The following EHMT1 variants were observed in gnomAD, a reference collection of about 807,000 sequenced individuals.
The protein encoded by EHMT1 is euchromatic histone lysine methyltransferase 1, also known as histone-lysine N-methyltransferase EHMT1.
In EHMT1, 15 loss-of-function variants were observed where a neutral mutation model predicts 147.2. The ratio of observed to expected loss-of-function variants is 0.10; its 90% CI spans 0.07 to 0.16. The LOEUF (loss-of-function observed/expected upper bound fraction) is 0.16. Ranked by LOEUF, EHMT1 falls within the 10% of genes least tolerant of loss-of-function variation. The pLI is 1.00. For synonymous variants in EHMT1, 795 were observed against 709.6 expected (o/e 1.12, Z -1.91); for missense variants, 1,587 against 1,772.4 (o/e 0.90, Z 1.88).
intron 24 of EHMT1, chr9:137,817,852 C>G (rs532973361): frequency 1.6e-6 from 1 of 637,556 alleles, no homozygotes; most frequent in Non-Finnish European, 2.8e-6. Flanking sequence ...AGACCGCAGA[C>G]GCAGAGCTTT....
intron 4 of EHMT1, among the ~76,000 whole-genome samples, chr9:137,730,325 G>A (rs1391450606): frequency 6.6e-6 from 1 of 152,176 alleles, no homozygotes; most frequent in Non-Finnish European, 1.5e-5. Flanking sequence ...AGTACTGCAC[G>A]GTGGGTGCCA....
At chr9:137,768,456 C>T (rs1448576520) in intron 10 of EHMT1, among the ~76,000 whole-genome samples, 3 of 142,188 alleles carry the variant, frequency 2.1e-5, no homozygotes, top group East Asian at 2.1e-4. Context: ...CAGGTTCAAG[C>T]GATTCTTTTG....
intron 2 of EHMT1, among the ~76,000 whole-genome samples, chr9:137,711,846 A>G (rs1336491600): frequency 6.6e-6 from 1 of 152,176 alleles, no homozygotes; most frequent in East Asian, 1.9e-4. Flanking sequence ...AGCAGCTCAG[A>G]CACTGGACTT....
At chr9:137,773,803 T>C (rs1164089483) in intron 10 of EHMT1, among the ~76,000 whole-genome samples, 1 of 152,212 alleles carries the variant, frequency 6.6e-6, no homozygotes, top group Non-Finnish European at 1.5e-5. Flanking sequence ...CTTTGTGTAA[T>C]TTCCTTTGGG....
chr9:137,832,315 C>T (rs1400880983), intron 25 of EHMT1, among the ~76,000 whole-genome samples: 11 of 147,700 alleles, frequency 7.4e-5, no homozygotes, highest in Admixed American at 6.7e-4. Flanking sequence ...CTAGAATTGG[C>T]TGGGCTCCCT....
intron 16 of EHMT1, among the ~76,000 whole-genome samples, chr9:137,794,602 G>T (rs545706017): frequency 1.7e-4 from 26 of 149,826 alleles, no homozygotes; most frequent in African/African-American, 5.9e-4. Context: ...AGCTGGATTA[G>T]CACCACTGCA....
intron 1 of EHMT1, among the ~76,000 whole-genome samples, chr9:137,621,526 T>G (rs1445007090): frequency 6.6e-6 from 1 of 152,120 alleles, no homozygotes; most frequent in African/African-American, 2.4e-5. Flanking sequence ...GTTGAAACCC[T>G]GTCTCTACTG....
In EHMT1 at chr9:137,716,631, C is replaced by A; in HGVS notation, c.91C>A (p.Pro31Thr). 1 of 1,565,026 alleles carries A rather than the reference C, an allele frequency of 6.4e-7. No individual in the cohort carries two copies. The highest frequency in any genetic ancestry group is 8.7e-7 in the Non-Finnish European group (1 of 1,153,696). Reference protein sequence around the residue: ...VKTELLGEETPMAADEGSAEK... With the variant: ...VKTELLGEETTMAADEGSAEK... Reference sequence around the variant, plus strand: ...ACTCGTTTCTTTGTTGGCAGAGACACCTATGGCTGCCGATGAAGGCTCAGC... The same window carrying A: ...ACTCGTTTCTTTGTTGGCAGAGACAACTATGGCTGCCGATGAAGGCTCAGC... Residue 31 changes from proline to threonine, a missense_variant, in exon 3 of 27, where the codon CCT (proline) becomes ACT (threonine). By Grantham distance (38) the Pro-to-Thr change is conservative. Transcript: ENST00000460843.
chr9:137,776,722 G>A lies in EHMT1; in HGVS notation c.1896G>A (p.Glu632=). ...NNASYCPHCG[E]ESSKAKEVTI... ...CCAGCTATTGTCCCCACTGTGGGGA[G>A]GAGAGCTCCAAGGCCAAAGAGGTGA... The change falls in exon 12 of 27, where the codon GAG becomes GAA. Residue 632 remains glutamate (E), a synonymous_variant. Transcript: ENST00000460843. The surrounding 1 kb of genome is among the most constrained non-coding windows in gnomAD (Gnocchi z 4.4). 1 of 1,614,066 alleles carries A rather than the reference G, an allele frequency of 6.2e-7. No individual in the cohort carries two copies. The highest frequency in any genetic ancestry group is 8.5e-7 in the Non-Finnish European group (1 of 1,180,016).
intron 1 of EHMT1, among the ~76,000 whole-genome samples, chr9:137,648,045 C>T (rs74897059): frequency 1.1e-3 from 168 of 152,282 alleles, no homozygotes; most frequent in African/African-American, 3.9e-3. Context: ...AGCTTTCTTT[C>T]CCCTTTCATA....
chr9:137,815,832 C>T lies in EHMT1; in HGVS notation c.3259-115C>T. On this transcript the variant is annotated intron_variant, in intron 22 of 26. Transcript: ENST00000460843. ...TGGGTGTTCAAGTTTGGCCAGAAACCATCGTTTTTATGTCCGTTTAAGCCA... is the reference window on the plus strand; with the variant it reads ...TGGGTGTTCAAGTTTGGCCAGAAACTATCGTTTTTATGTCCGTTTAAGCCA... 3.3e-6 allele frequency: 3 copies of T among 909,296 alleles called. No individual in the cohort carries two copies. In the South Asian group the frequency reaches 4.2e-5, roughly 13 times the overall value. The allele number at this position is 909,296 out of a possible 1,614,324, so 56.3% of individuals were successfully genotyped here. A position where few individuals can be genotyped will look rare whatever the true frequency, so the allele number is the denominator to read the frequency against.
At chr9:137,715,612 C>T in intron 2 of EHMT1, 1 of 985,438 alleles carries the variant, frequency 1.0e-6, no homozygotes, top group Non-Finnish European at 1.2e-6. Context: ...CGCAGGCTTC[C>T]TGCCTCAGCC....
At chr9:137,700,806 T>C (rs1943762712) in intron 1 of EHMT1, among the ~76,000 whole-genome samples, 1 of 152,208 alleles carries the variant, frequency 6.6e-6, no homozygotes, top group African/African-American at 2.4e-5. Flanking sequence ...AAATTGTAGC[T>C]CTTGTTTTAC....
At chr9:137,696,694 G>A (rs781754101) in intron 1 of EHMT1, among the ~76,000 whole-genome samples, 1 of 152,156 alleles carries the variant, frequency 6.6e-6, no homozygotes, top group Admixed American at 6.5e-5. Flanking sequence ...TAAAGAGACC[G>A]CACAAGGGTT....
chr9:137,698,497 G>A (rs1588228411), intron 1 of EHMT1, among the ~76,000 whole-genome samples: 1 of 152,330 alleles, frequency 6.6e-6, no homozygotes, highest in Non-Finnish European at 1.5e-5. Context: ...ATCGCTGAAA[G>A]GATTTTTAAA....
At chr9:137,704,785 T>C (rs911465378) in intron 1 of EHMT1, among the ~76,000 whole-genome samples, 2 of 107,964 alleles carry the variant, frequency 1.9e-5, no homozygotes, top group East Asian at 2.8e-4. Context: ...CCCTCCCGCC[T>C]GCCTTCCCTC....
intron 2 of EHMT1, chr9:137,715,749 G>C: frequency 5.1e-6 from 5 of 985,392 alleles, no homozygotes; most frequent in Non-Finnish European, 6.0e-6. Flanking sequence ...AGCAGACCAC[G>C]GATGTGCTCC....
intron 1 of EHMT1, among the ~76,000 whole-genome samples, chr9:137,698,040 G>T (rs184842010): frequency 2.4e-4 from 36 of 151,404 alleles, no homozygotes; most frequent in African/African-American, 8.2e-4. Flanking sequence ...CCCCACTGTC[G>T]TGAGGGCAGC....
At chr9:137,668,711 CT>C (rs968598061) in intron 1 of EHMT1, among the ~76,000 whole-genome samples, 4 of 148,878 alleles carry the variant, frequency 2.7e-5, no homozygotes, top group Non-Finnish European at 5.9e-5. Context: ...TGCCTGACTT[CT>C]TTCACTTAAC....
Sources: gnomAD v4.1 joint callset for allele counts (sites outside exome capture counted in the v4.1 genomes callset) on GRCh38, gnomAD v4.1.1 for gene constraint, Gnocchi (gnomAD v3.1) non-coding constraint, MANE v1.5 for transcripts, NCBI Gene and HGNC (gene_info 2026-07-23, HGNC 2026-07-21) for gene names.